SEMA4F: variants seen among roughly 807,000 people sequenced by gnomAD.
SEMA4F encodes the protein semaphorin-4F.
SEMA4F carries 51 observed loss-of-function variants against 78.4 expected under a neutral mutation model. That is an observed-to-expected ratio of 0.65 (90% confidence interval 0.52 to 0.82). The LOEUF (loss-of-function observed/expected upper bound fraction) is 0.82. SEMA4F is among the 40% of genes least tolerant of loss of function. The pLI is 0.00. For synonymous variants in SEMA4F, 418 were observed against 408.7 expected (o/e 1.02, Z -0.27); for missense variants, 938 against 1,014.4 (o/e 0.92, Z 1.02).
At chr2:74,703,853 C>G in the SEMA4F span, among the ~76,000 whole-genome samples, 6 of 152,206 alleles carry the variant, frequency 3.9e-5, no homozygotes, top group Admixed American at 6.5e-5. Flanking sequence ...TCCTGCATCT[C>G]TTTCTTAAGG....
intron 12 of SEMA4F, among the ~76,000 whole-genome samples, chr2:74,677,541 T>C (rs1685363647): frequency 6.6e-6 from 1 of 152,226 alleles, no homozygotes. Context: ...TTTTAAAAAG[T>C]TTATGTCAGT....
chr2:74,654,807 G>A (rs1289306547), intron 1 of SEMA4F, among the ~76,000 whole-genome samples: 2 of 152,236 alleles, frequency 1.3e-5, no homozygotes, highest in African/African-American at 4.8e-5. Context: ...AGCCGCAGGA[G>A]CGTCCAGTCC....
At chr2:74,687,813 C>T (rs363646), downstream of SEMA4F, among the ~76,000 whole-genome samples, 132 of 152,316 alleles carry the variant, frequency 8.7e-4, 2 homozygotes, top group East Asian at 0.021. Flanking sequence ...CGAACTCCAT[C>T]CTGGACCCTT....
chr2:74,670,972 G>A (rs553553979), intron 5 of SEMA4F, among the ~76,000 whole-genome samples: 1 of 151,860 alleles, frequency 6.6e-6, no homozygotes, highest in Middle Eastern at 3.4e-3. Flanking sequence ...TCAACCATGT[G>A]CCAGGCCTTA....
chr2:74,663,362 G>T (rs995018379), intron 5 of SEMA4F, among the ~76,000 whole-genome samples: 1 of 152,176 alleles, frequency 6.6e-6, no homozygotes, highest in Non-Finnish European at 1.5e-5. Context: ...TGTGTGTCTA[G>T]TGGTACCGTA....
Position 74,658,229 on chromosome 2 carries a change from T to C in SEMA4F, c.456+278T>C, listed in dbSNP as rs1446413968. Among the ~76,000 whole-genome samples, 1 of 152,126 alleles carries C rather than the reference T, an allele frequency of 6.6e-6. No individual in the cohort carries two copies. Among genetic ancestry groups the C allele is most frequent in the Non-Finnish European group, 1.5e-5 (1 of 68,028 alleles). On this transcript the variant is annotated intron_variant, in intron 4 of 13. Transcript: ENST00000357877. This position sits in a 1 kb window ranked among gnomAD's most constrained non-coding sequence, Gnocchi z 4.3. ...GTGGGATAGTTAAGGAAGTTAGGGA[T>C]GCTGGTTGGGCTGGGGAAACAACAA...
intron 5 of SEMA4F, among the ~76,000 whole-genome samples, chr2:74,672,889 G>T (rs1030694333): frequency 6.6e-6 from 1 of 152,164 alleles, no homozygotes; most frequent in Non-Finnish European, 1.5e-5. Context: ...CAAAATGCAG[G>T]TTCTTGAGCC....
chr2:74,656,769 A>G lies in SEMA4F; in HGVS notation c.297+84A>G, dbSNP rs372121157. On this transcript the variant is annotated intron_variant, in intron 2 of 13. Coordinates refer to ENST00000357877, the MANE Select transcript of SEMA4F (RefSeq NM_004263.5). ...TTTATGAGTGTGTGTGGGGGATTTC[A>G]TAATAACTAAAGATGTAACAGCAGG... 25 of 1,438,308 alleles carry G rather than the reference A, an allele frequency of 1.7e-5. No homozygotes were observed. The South Asian group carries it at 2.1e-4, about 12-fold the overall frequency. 89.1% of individuals were successfully genotyped at this position (1,438,308 alleles called of 1,614,324 possible).
rs767626075 is a variant in SEMA4F at position 74,675,037 on chromosome 2, T to C, written c.1149+2T>C. The C allele has an allele frequency of 1.2e-6, 2 of 1,613,356 alleles. No individual in the cohort carries two copies. The highest frequency in any genetic ancestry group is 1.7e-6 in the Non-Finnish European group (2 of 1,179,840). On this transcript the variant is annotated splice_donor_variant, in intron 9 of 13. Transcript: ENST00000357877. LOFTEE classifies it high-confidence loss of function. ...GTGCCCCAGCCCAGACCTGGAGAGG[T>C]GAGGGGGCAGATCTTCATTCTAGGC...
Position 74,674,994 on chromosome 2 carries a change from C to G in SEMA4F, c.1108C>G (p.Pro370Ala). 3 of 1,613,886 alleles carry G rather than the reference C, an allele frequency of 1.9e-6. No individual in the cohort carries two copies. The highest frequency in any genetic ancestry group is 2.5e-6 in the Non-Finnish European group (3 of 1,179,972). Residue 370 changes from proline to alanine, a missense_variant, in exon 9 of 14, where the codon CCT (proline) becomes GCT (alanine). Transcript: ENST00000357877. ...ELKHDCNRGL[P>A]VVDNDVPQPR... ...AAAACATGACTGCAACAGAGGACTG[C>G]CTGTCGTGGACAATGATGTGCCCCA...
At chr2:74,701,821 G>A in the SEMA4F span, among the ~76,000 whole-genome samples, 1 of 152,164 alleles carries the variant, frequency 6.6e-6, no homozygotes, top group Admixed American at 6.5e-5. Context: ...CCCAGGTCTG[G>A]AGTATGGCTT....
chr2:74,657,783 G>A (rs1184266899), intron 3 of SEMA4F, 70 bp from the exon 4 acceptor site: 1 of 1,471,778 alleles, frequency 6.8e-7, no homozygotes, highest in African/African-American at 1.4e-5. Context: ...GCATCTAACT[G>A]TCCTGACGTT....
In SEMA4F at chr2:74,662,753, G is replaced by T; in HGVS notation, c.478G>T (p.Val160Phe). 6.2e-7 allele frequency: 1 copy of T among 1,614,138 alleles called. No homozygotes were observed. The highest frequency in any genetic ancestry group is 8.5e-7 in the Non-Finnish European group (1 of 1,179,996). Residue 160 changes from valine to phenylalanine, a missense_variant, in exon 5 of 14, where the codon GTT (valine) becomes TTT (phenylalanine). By Grantham distance (50) the Val-to-Phe change is conservative. Transcript: ENST00000357877. ...ATAGGATGTGTCCAGGTTCCAGCAG[G>T]TTGAAAGACTTGAGAGTGGCCGGGG... ...GVIDVSRFQQ[V>F]ERLESGRGKC...
chr2:74,690,331 C>G, the SEMA4F span, among the ~76,000 whole-genome samples: 4 of 152,144 alleles, frequency 2.6e-5, no homozygotes, highest in Non-Finnish European at 5.9e-5. Context: ...ATGGTCACCC[C>G]TGATGAGGGG....
chr2:74,661,858 T>C (rs141431041), intron 4 of SEMA4F, among the ~76,000 whole-genome samples: 3 of 152,198 alleles, frequency 2.0e-5, no homozygotes, highest in Non-Finnish European at 4.4e-5. Context: ...CCACGCCAGT[T>C]TGTGAACTAA....
At chr2:74,668,143 T>C (rs1437491635) in intron 5 of SEMA4F, among the ~76,000 whole-genome samples, 1 of 151,896 alleles carries the variant, frequency 6.6e-6, no homozygotes, top group Non-Finnish European at 1.5e-5. Context: ...CCCTATCACA[T>C]CCTATAATAG....
chr2:74,654,673 C>T (rs1684025369), intron 1 of SEMA4F, 152 bp downstream of exon 1: 1 of 638,524 alleles, frequency 1.6e-6, no homozygotes, highest in Non-Finnish European at 2.5e-6. Context: ...GGGGCGAGAT[C>T]TTCGCACTTC....
Position 74,674,974 on chromosome 2 carries a change from A to G in SEMA4F, c.1088A>G (p.His363Arg), listed in dbSNP as rs774285893. The G allele has an allele frequency of 4.3e-6, 7 of 1,613,590 alleles. No individual in the cohort carries two copies. Among genetic ancestry groups the G allele is most frequent in the Non-Finnish European group, 5.9e-6 (7 of 1,179,906 alleles). ...VLNGPFRELK[H>R]DCNRGLPVVD... ...AATGGTCCCTTCAGAGAACTAAAAC[A>G]TGACTGCAACAGAGGACTGCCTGTC... is the stretch of plus-strand genomic sequence containing the variant. Residue 363 changes from histidine (H) to arginine (R), a missense_variant, in exon 9 of 14, where the codon CAT becomes CGT. Coordinates refer to ENST00000357877, the MANE Select transcript of SEMA4F (RefSeq NM_004263.5).
chr2:74,656,019 T>C (rs138235091), intron 1 of SEMA4F, among the ~76,000 whole-genome samples: 1 of 152,194 alleles, frequency 6.6e-6, no homozygotes, highest in East Asian at 1.9e-4. Context: ...TAGATTTTTT[T>C]TTTTTTTGAA....
Sources: allele counts gnomAD v4.1 joint callset (sites outside exome capture counted in the v4.1 genomes callset), GRCh38; gene constraint gnomAD v4.1.1; non-coding constraint Gnocchi (gnomAD v3.1); transcripts MANE v1.5; gene names NCBI Gene and HGNC (gene_info 2026-07-23, HGNC 2026-07-21).